PRR5: variants seen among roughly 807,000 people sequenced by gnomAD.
PRR5 encodes proline-rich protein 5.
In PRR5, 25 loss-of-function variants were observed where a neutral mutation model predicts 30.6. The ratio of observed to expected loss-of-function variants is 0.82; its 90% confidence interval spans 0.60 to 1.14. The LOEUF is 1.14. Ranked by LOEUF, PRR5 falls within the 50% of genes most tolerant of loss-of-function variation. PRR5 has a pLI of 0.00. For missense variants in PRR5, 600 were observed against 547.1 expected, an observed-to-expected ratio of 1.10 and a Z score of -0.96; for synonymous variants, 286 against 247.1, an observed-to-expected ratio of 1.16 and a Z score of -1.48.
upstream of PRR5, among the ~76,000 whole-genome samples, chr22:44,697,443 G>A (rs545284559): frequency 6.6e-6 from 1 of 152,364 alleles, no homozygotes; most frequent in South Asian, 2.1e-4. Context: ...AGAGACTGTG[G>A]GGACAGAGCC....
intron 2 of PRR5, among the ~76,000 whole-genome samples, chr22:44,716,565 A>C (rs1312411165): frequency 6.6e-6 from 1 of 152,190 alleles, no homozygotes; most frequent in Admixed American, 6.5e-5. Flanking sequence ...TCCACTCGTC[A>C]CTGCAGCCCT....
chr22:44,710,934 C>G (rs1176204544), intron 1 of PRR5, among the ~76,000 whole-genome samples: 1 of 152,064 alleles, frequency 6.6e-6, no homozygotes, highest in Admixed American at 6.5e-5. Context: ...CCCGGGCGGT[C>G]GGCACTGTAC....
intron 2 of PRR5, among the ~76,000 whole-genome samples, chr22:44,718,087 C>G (rs1159291329): frequency 6.6e-6 from 1 of 152,130 alleles, no homozygotes; most frequent in Non-Finnish European, 1.5e-5. Flanking sequence ...ATCGCATCCA[C>G]CTCGGCTGAT....
intron 2 of PRR5, among the ~76,000 whole-genome samples, chr22:44,721,221 G>A (rs912889614): frequency 2.7e-4 from 41 of 152,150 alleles, no homozygotes; most frequent in African/African-American, 9.9e-4. Context: ...TATTGAAAAC[G>A]AAAGCACACT....
chr22:44,735,248 C>T (rs1002171737), intron 7 of PRR5, 86 bp downstream of exon 7: 25 of 1,433,022 alleles, frequency 1.7e-5, no homozygotes, highest in African/African-American at 7.1e-5. Flanking sequence ...CGAGGCCCCA[C>T]GACAGAACCA....
rs142878382 is a variant in PRR5, at chr22:44,735,160, T to C, written c.689T>C (p.Leu230Pro). The C allele has an allele frequency of 6.8e-6, 11 of 1,612,140 alleles. No individual in the cohort carries two copies. Among genetic ancestry groups the C allele is most frequent in the Non-Finnish European group, 7.6e-6 (9 of 1,179,624 alleles). ...SEGPFTHSCILEKRLLRRSRS... is the reference protein window; with the variant it reads ...SEGPFTHSCIPEKRLLRRSRS... ...GGGCCCTTCACCCATTCCTGCATCC[T>C]GGGTAGGGGTCCGCCTGGGCCTTGG... The change falls in exon 7 of 8, where the codon CTG becomes CCG. Residue 230 changes from leucine (L) to proline (P), a missense_variant and splice_region_variant. By Grantham distance (98) the Leu-to-Pro change is moderately conservative. Coordinates refer to ENST00000336985, the MANE Select transcript of PRR5 (RefSeq NM_181333.4).
upstream of PRR5, among the ~76,000 whole-genome samples, chr22:44,700,165 T>G (rs1926125455): frequency 6.6e-6 from 1 of 152,020 alleles, no homozygotes; most frequent in Admixed American, 6.6e-5. Flanking sequence ...ACAAAATTTT[T>G]TAAAAATTAG....
intron 1 of PRR5, among the ~76,000 whole-genome samples, chr22:44,714,145 G>A (rs1170809333): frequency 6.6e-6 from 1 of 152,206 alleles, no homozygotes; most frequent in Non-Finnish European, 1.5e-5. Context: ...GCATGAGGGG[G>A]TCGGGAGCCC....
intron 2 of PRR5, among the ~76,000 whole-genome samples, chr22:44,722,680 G>A (rs1391877733): frequency 3.3e-5 from 5 of 152,168 alleles, no homozygotes; most frequent in African/African-American, 4.8e-5. Context: ...TTGGGGGGAT[G>A]GTATGTTTAT....
chr22:44,714,613 G>A lies in PRR5; in HGVS notation c.157G>A (p.Val53Ile), dbSNP rs189765829. Residue 53 changes from valine (V) to isoleucine (I), a missense_variant, in exon 2 of 8, where the codon GTC (valine) becomes ATC (isoleucine). Val to Ile is a conservative substitution (Grantham distance 29). Transcript: ENST00000336985. ...CAGCATCCACAACGGGGTGATCGCCGTCTTCCAGCGCAAGGGGCTGCCCGA... is the reference window on the plus strand; with the variant it reads ...CAGCATCCACAACGGGGTGATCGCCATCTTCCAGCGCAAGGGGCTGCCCGA... ...WNSIHNGVIA[V>I]FQRKGLPDQE... The A allele has an allele frequency of 2.4e-5, 39 of 1,613,458 alleles. No homozygotes were observed. The highest frequency in any genetic ancestry group is 1.7e-4 in the Middle Eastern group (1 of 6,060).
At chr22:44,729,896 T>G (rs942265544) in intron 4 of PRR5, 165 of 985,360 alleles carry the variant, frequency 1.7e-4, no homozygotes, top group Non-Finnish European at 1.9e-4. Context: ...GCTGCCTTTC[T>G]TCCTGCCGCG....
At chr22:44,733,021 GCACATA>G (rs1360434805) in intron 6 of PRR5, among the ~76,000 whole-genome samples, 7 of 137,286 alleles carry the variant, frequency 5.1e-5, no homozygotes, top group Admixed American at 1.5e-4. Flanking sequence ...ACGTGCACAT[GCACATA>G]CACACTACAC....
chr22:44,674,741 T>A (rs970198773), upstream of PRR5, among the ~76,000 whole-genome samples: 1 of 148,392 alleles, frequency 6.7e-6, no homozygotes, highest in Non-Finnish European at 1.5e-5. Context: ...AAAAAATAGT[T>A]CAAGACCAGC....
rs751233180 is a variant in PRR5 at position 44,736,895 on chromosome 22, C to T, written c.815C>T (p.Ala272Val). 16 of 1,608,722 alleles carry T rather than the reference C, an allele frequency of 9.9e-6. No individual in the cohort carries two copies. Among genetic ancestry groups the T allele is most frequent in the South Asian group, 5.5e-5 (5 of 90,984 alleles). Residue 272 changes from alanine to valine, a missense_variant, in exon 8 of 8, where the codon GCG (alanine) becomes GTG (valine). By Grantham distance (64) the Ala-to-Val change is moderately conservative. Transcript: ENST00000336985. Reference protein sequence around the residue: ...PVQEHEAEGAAAGGTSIRRHS... With the variant: ...PVQEHEAEGAVAGGTSIRRHS... ...CAGGAGCACGAGGCGGAGGGCGCGG[C>T]GGCCGGCGGTACCAGCATCCGCAGG...
In PRR5 at chr22:44,686,717, T is replaced by C. The variant is rs542226953; in HGVS notation, c.-11+9477T>C. On this transcript the variant is annotated intron_variant, in intron 1 of 8. Transcript: ENST00000006251. The stretch of plus-strand genomic sequence containing the variant: ...TTTTAGTAGAGATGGGGTTTCACAA[T>C]GTTGGTCAGGCTGGTCTTGAACTCC... Among the ~76,000 whole-genome samples the C allele has an allele frequency of 1.1e-4, 16 of 152,312 alleles. No homozygotes were observed. In the East Asian group the frequency reaches 2.9e-3, roughly 28 times the overall value.
chr22:44,721,519 G>A (rs915015599), intron 2 of PRR5, among the ~76,000 whole-genome samples: 5 of 152,206 alleles, frequency 3.3e-5, no homozygotes, highest in African/African-American at 4.8e-5. Context: ...GGTAGGGGAC[G>A]AATCAGAGGT....
intron 1 of PRR5, among the ~76,000 whole-genome samples, chr22:44,710,846 C>T (rs952275636): frequency 2.0e-5 from 3 of 152,126 alleles, no homozygotes; most frequent in African/African-American, 7.2e-5. Context: ...GTGGTAGATA[C>T]AAGCCTCTCC....
chr22:44,724,104 T>C (rs1488199031), intron 2 of PRR5, among the ~76,000 whole-genome samples: 3 of 152,170 alleles, frequency 2.0e-5, no homozygotes, highest in Non-Finnish European at 4.4e-5. Context: ...ATCAGAACCA[T>C]GCAAAGAGAG....
chr22:44,729,947 C>G, intron 4 of PRR5: 2 of 985,444 alleles, frequency 2.0e-6, no homozygotes, highest in Non-Finnish European at 2.4e-6. Context: ...GGGCACAGTT[C>G]GGCGGGGCGG....
Sources: allele counts gnomAD v4.1 joint callset (sites outside exome capture counted in the v4.1 genomes callset), GRCh38; gene constraint gnomAD v4.1.1; transcripts MANE v1.5; gene names NCBI Gene and HGNC (gene_info 2026-07-23, HGNC 2026-07-21).